PDZRN3: variants seen among roughly 807,000 people sequenced by gnomAD.
PDZRN3 encodes E3 ubiquitin-protein ligase PDZRN3.
A neutral mutation model predicts 85.7 loss-of-function variants in PDZRN3; 38 were observed. The observed-to-expected ratio is 0.44, with a 90% CI of 0.34 to 0.58. PDZRN3 has a LOEUF of 0.58. Ranked by LOEUF, PDZRN3 falls within the 20% of genes least tolerant of loss-of-function variation. The probability of loss-of-function intolerance (pLI) is 0.01; values close to 1 mark genes in which losing one functional copy is unlikely to be tolerated. For missense variants in PDZRN3, 1,629 were observed against 1,506.4 expected (o/e 1.08, Z -1.35); for synonymous variants, 759 against 638.0 (o/e 1.19, Z -2.86).
At chr3:73,594,329 G>C (rs754143565) in intron 3 of PDZRN3, among the ~76,000 whole-genome samples, 2 of 151,876 alleles carry the variant, frequency 1.3e-5, no homozygotes, top group Non-Finnish European at 2.9e-5. Flanking sequence ...CCACATACTT[G>C]CTGATATACA....
chr3:73,558,389 A>G (rs72891754), intron 3 of PDZRN3, among the ~76,000 whole-genome samples: 5,134 of 152,332 alleles, frequency 0.034, 279 homozygotes, highest in African/African-American at 0.11. Context: ...TTGAAAAACT[A>G]AATTTTCTTT....
intron 6 of PDZRN3, among the ~76,000 whole-genome samples, chr3:73,390,781 C>G (rs552339816): frequency 6.6e-6 from 1 of 152,078 alleles, no homozygotes; most frequent in South Asian, 2.1e-4. Flanking sequence ...ACCATGTAAA[C>G]GGCTCCATTT....
chr3:73,586,406 A>G (rs1364674119), intron 3 of PDZRN3, among the ~76,000 whole-genome samples: 9 of 152,196 alleles, frequency 5.9e-5, no homozygotes, highest in Non-Finnish European at 4.4e-5. Flanking sequence ...TTTTACCCTC[A>G]GAAGTTGATT....
intron 3 of PDZRN3, among the ~76,000 whole-genome samples, chr3:73,434,493 G>A (rs1384852200): frequency 6.6e-6 from 1 of 152,132 alleles, no homozygotes; most frequent in African/African-American, 2.4e-5. Context: ...AGTAGCTAGG[G>A]GTTATAAGGA....
chr3:73,384,015 G>T lies in PDZRN3; in HGVS notation c.2551C>A (p.Pro851Thr). The change falls in exon 10 of 10, where the codon CCC becomes ACC. Residue 851 changes from proline (P) to threonine (T), a missense_variant. Pro to Thr is a conservative substitution (Grantham distance 38, BLOSUM62 -1). Coordinates refer to ENST00000263666, the MANE Select transcript of PDZRN3 (RefSeq NM_015009.3). ...TAGGCGCTGCCCAGCTTCTGGCTGGGCGTGGGGCTCCGGCTCCCGTCGCTG... is the reference window on the plus strand; with the variant it reads ...TAGGCGCTGCCCAGCTTCTGGCTGGTCGTGGGGCTCCGGCTCCCGTCGCTG... ...RASDGSRSPT[P>T]SQKLGSAYLP... 1 of 1,591,420 alleles carries T rather than the reference G, an allele frequency of 6.3e-7. No homozygotes were observed.
At chr3:73,565,362 T>C (rs1701923656) in intron 3 of PDZRN3, among the ~76,000 whole-genome samples, 1 of 151,840 alleles carries the variant, frequency 6.6e-6, no homozygotes, top group Admixed American at 6.6e-5. Flanking sequence ...ACTCCTGACC[T>C]TGTGATCCGC....
chr3:73,419,128 C>T (rs1016345337), intron 3 of PDZRN3, among the ~76,000 whole-genome samples: 4 of 152,090 alleles, frequency 2.6e-5, no homozygotes, highest in Admixed American at 1.3e-4. Context: ...TTGCTAGAAA[C>T]CTACCAGGAG....
intron 3 of PDZRN3, among the ~76,000 whole-genome samples, chr3:73,519,744 A>G (rs1175593322): frequency 6.6e-6 from 1 of 152,202 alleles, no homozygotes; most frequent in Admixed American, 6.5e-5. Flanking sequence ...GAACAGTAGC[A>G]TCACATCACC....
intron 3 of PDZRN3, among the ~76,000 whole-genome samples, chr3:73,486,491 T>C (rs1480581810): frequency 6.6e-6 from 1 of 152,190 alleles, no homozygotes; most frequent in Non-Finnish European, 1.5e-5. Flanking sequence ...AAGCCATGCA[T>C]TTGTTCAATG....
chr3:73,387,734 C>T (rs1052857004), intron 8 of PDZRN3, among the ~76,000 whole-genome samples: 2 of 152,088 alleles, frequency 1.3e-5, no homozygotes, highest in African/African-American at 4.8e-5. Flanking sequence ...TCCCTATGAT[C>T]CCTGCATTAA....
intron 9 of PDZRN3, 61 bp downstream of exon 9, chr3:73,385,608 G>C: frequency 2.0e-6 from 2 of 987,696 alleles, no homozygotes; most frequent in Admixed American, 3.5e-5. Flanking sequence ...GGAGATGGAG[G>C]AAGCAGATTT....
intron 3 of PDZRN3, chr3:73,474,592 G>T (rs1023095030): frequency 7.8e-6 from 10 of 1,274,254 alleles, no homozygotes; most frequent in South Asian, 1.3e-5. Flanking sequence ...GTTTCATTGC[G>T]ATCTAAGCTT....
chr3:73,545,309 A>C (rs574074855), intron 3 of PDZRN3, among the ~76,000 whole-genome samples: 1 of 152,292 alleles, frequency 6.6e-6, no homozygotes, highest in South Asian at 2.1e-4. Context: ...GAAAGGTCAT[A>C]ATCTGCGGAT....
intron 3 of PDZRN3, among the ~76,000 whole-genome samples, chr3:73,416,899 T>A (rs12630714): frequency 1.5e-5 from 2 of 130,946 alleles, no homozygotes; most frequent in Non-Finnish European, 3.2e-5. Context: ...TTTTTTTTTT[T>A]TTTTTTTTTT....
At chr3:73,616,127 T>C (rs1352676078) in intron 1 of PDZRN3, among the ~76,000 whole-genome samples, 2 of 152,220 alleles carry the variant, frequency 1.3e-5, no homozygotes, top group Non-Finnish European at 1.5e-5. Context: ...TTTCTCTCCA[T>C]GTAATCTCTG....
At chr3:73,416,139 G>C (rs896415536) in intron 3 of PDZRN3, among the ~76,000 whole-genome samples, 2 of 151,996 alleles carry the variant, frequency 1.3e-5, no homozygotes, top group Admixed American at 6.6e-5. Flanking sequence ...GTGTGAAGAA[G>C]AGATTAGAAA....
chr3:73,488,176 T>C (rs1220916568), intron 3 of PDZRN3, among the ~76,000 whole-genome samples: 2 of 152,172 alleles, frequency 1.3e-5, no homozygotes, highest in Non-Finnish European at 2.9e-5. Context: ...AACTAAAATG[T>C]AAATTTTTCT....
intron 3 of PDZRN3, among the ~76,000 whole-genome samples, chr3:73,502,050 A>G (rs1263292114): frequency 6.7e-6 from 1 of 149,274 alleles, no homozygotes; most frequent in Non-Finnish European, 1.5e-5. Flanking sequence ...AATAAAATAA[A>G]ACAAGTCATT....
intron 3 of PDZRN3, among the ~76,000 whole-genome samples, chr3:73,425,352 C>A (rs1177818352): frequency 6.6e-6 from 1 of 151,996 alleles, no homozygotes; most frequent in East Asian, 1.9e-4. Context: ...TAATGATTAT[C>A]CTAGAGGAGT....
Sources: allele counts gnomAD v4.1 joint callset (sites outside exome capture counted in the v4.1 genomes callset), GRCh38; gene constraint gnomAD v4.1.1; transcripts MANE v1.5; gene names NCBI Gene and HGNC (gene_info 2026-07-23, HGNC 2026-07-21).